NETO2: variants seen among roughly 807,000 people sequenced by gnomAD.
NETO2 encodes neuropilin and tolloid like 2, also known as neuropilin and tolloid-like protein 2.
In NETO2, 28 loss-of-function variants were observed where a neutral mutation model predicts 62.5. That is an observed-to-expected ratio of 0.45 (90% CI 0.33 to 0.61). The LOEUF (loss-of-function observed/expected upper bound fraction) is 0.61, where lower values mean the gene tolerates loss of function less well. Ranked by LOEUF, NETO2 falls within the 20% of genes least tolerant of loss-of-function variation. The pLI is 0.02. For missense variants in NETO2, 548 were observed against 643.2 expected, an observed-to-expected ratio of 0.85 and a Z score of 1.60; for synonymous variants, 214 against 219.1, an observed-to-expected ratio of 0.98 and a Z score of 0.21.
rs1203626599 is a variant in NETO2 at position 47,078,593 on chromosome 16, T to C, written c.*4628A>G. 1 of 152,194 alleles carries C rather than the reference T, an allele frequency of 6.6e-6. No individual in the cohort carries two copies. Among genetic ancestry groups the C allele is most frequent in the Non-Finnish European group, 1.5e-5 (1 of 68,026 alleles). The allele number at this position is 152,194 out of a possible 1,614,324, so 9.4% of individuals were successfully genotyped here. On this transcript the variant is annotated 3_prime_UTR_variant, in exon 9 of 9. Coordinates refer to ENST00000562435, the MANE Select transcript of NETO2 (RefSeq NM_018092.5). ...ATTATTAGCAGAGGTATATAAAACA[T>C]AAGTGATTTTGCAGAAAACTAAAAT...
rs989255418 is a variant in NETO2, at chr16:47,129,342, C to T, written c.114G>A (p.Lys38=). Reference sequence around the variant, plus strand: ...TGCCACACTGGGTTGCAGGAATATGCTTGATTCCAATATTTTGTCCATCTT... The same window carrying T: ...TGCCACACTGGGTTGCAGGAATATGTTTGATTCCAATATTTTGTCCATCTT... ...KTQDGQNIGI[K]HIPATQCGIW... is the part of the protein sequence containing the mutation. Residue 38 remains lysine, a synonymous_variant, in exon 3 of 9, where the codon AAG becomes AAA. Transcript: ENST00000562435. 6.2e-7 allele frequency: 1 copy of T among 1,613,960 alleles called. No individual in the cohort carries two copies.
intron 6 of NETO2, among the ~76,000 whole-genome samples, chr16:47,120,214 C>G (rs1390008457): frequency 6.6e-6 from 1 of 151,984 alleles, no homozygotes; most frequent in Non-Finnish European, 1.5e-5. Flanking sequence ...TACATCAGCT[C>G]TTTTTTGACA....
At chr16:47,136,857 A>G (rs1964369993) in intron 1 of NETO2, among the ~76,000 whole-genome samples, 2 of 152,214 alleles carry the variant, frequency 1.3e-5, no homozygotes, top group South Asian at 4.1e-4. Context: ...GATTGGGAAA[A>G]AAAAGGTGAA....
chr16:47,077,719 G>T lies in NETO2; in HGVS notation c.*5502C>A, dbSNP rs1963005586. 1 of 152,248 alleles carries T rather than the reference G, an allele frequency of 6.6e-6. No homozygotes were observed. Among genetic ancestry groups the T allele is most frequent in the Admixed American group, 6.5e-5 (1 of 15,284 alleles). The allele number at this position is 152,248 out of a possible 1,614,324, so 9.4% of individuals were successfully genotyped here. A position where few individuals can be genotyped will look rare whatever the true frequency, so the allele number is the denominator to read the frequency against. ...ATATTGTGGAGTATGACAAAGGTTG[G>T]AGGGTAAGAGAACTTTTAAATAACA... On this transcript the variant is annotated 3_prime_UTR_variant, in exon 9 of 9. Coordinates refer to ENST00000562435, the MANE Select transcript of NETO2 (RefSeq NM_018092.5).
chr16:47,106,929 G>A (rs1048356336), intron 7 of NETO2, among the ~76,000 whole-genome samples: 1 of 151,966 alleles, frequency 6.6e-6, no homozygotes, highest in Non-Finnish European at 1.5e-5. Context: ...TTATAGGCGC[G>A]TGCTACCATG....
chr16:47,110,249 T>C (rs1411025638), intron 6 of NETO2, among the ~76,000 whole-genome samples: 3 of 152,224 alleles, frequency 2.0e-5, no homozygotes, highest in Admixed American at 6.5e-5. Flanking sequence ...CCTACTGTTC[T>C]ACATGGTTGC....
intron 7 of NETO2, among the ~76,000 whole-genome samples, chr16:47,088,598 G>A (rs1372494690): frequency 6.6e-6 from 1 of 151,918 alleles, no homozygotes; most frequent in African/African-American, 2.4e-5. Flanking sequence ...TCAAGATAGA[G>A]TATCTAAAAT....
intron 7 of NETO2, among the ~76,000 whole-genome samples, chr16:47,103,169 T>G (rs1963593296): frequency 6.6e-6 from 1 of 152,126 alleles, no homozygotes; most frequent in Admixed American, 6.5e-5. Flanking sequence ...AAATCATCAT[T>G]CTCAGCAAAC....
chr16:47,115,718 T>TATATATAC (rs1963902567), intron 6 of NETO2, among the ~76,000 whole-genome samples: 1 of 133,448 alleles, frequency 7.5e-6, no homozygotes, highest in Admixed American at 7.2e-5. Flanking sequence ...TATATACATA[T>TATATATAC]ATATATATAT....
At chr16:47,103,198 C>A (rs371816065) in intron 7 of NETO2, among the ~76,000 whole-genome samples, 2 of 152,222 alleles carry the variant, frequency 1.3e-5, no homozygotes, top group East Asian at 3.9e-4. Flanking sequence ...GAAAAGAAAA[C>A]CAAACACTGC....
rs538906960 is a variant in NETO2, at chr16:47,128,673, C to T, written c.233-100G>A. ...AGCAGAATAACTGTTCTGCTAACTG[C>T]TTCATAGACAAAGGTCTTAGTGAGA... On this transcript the variant is annotated intron_variant, in intron 3 of 8. Transcript: ENST00000562435. The T allele has an allele frequency of 5.7e-4, 734 of 1,297,858 alleles. 2 individuals are homozygous for T. Among genetic ancestry groups the T allele is most frequent in the Middle Eastern group, 7.9e-4 (3 of 3,810 alleles). The allele number at this position is 1,297,858 out of a possible 1,614,324, so 80.4% of individuals were successfully genotyped here.
chr16:47,087,358 T>C (rs1298521898), intron 7 of NETO2, among the ~76,000 whole-genome samples: 2 of 152,124 alleles, frequency 1.3e-5, no homozygotes, highest in African/African-American at 4.8e-5. Context: ...ATGAGAAATA[T>C]TGTATGATTC....
In NETO2 at chr16:47,109,600, A is replaced by T. The variant is rs1030965052; in HGVS notation, c.766T>A (p.Cys256Ser). 6.2e-7 allele frequency: 1 copy of T among 1,614,022 alleles called. No individual in the cohort carries two copies. The highest frequency in any genetic ancestry group is 8.5e-7 in the Non-Finnish European group (1 of 1,179,988). Residue 256 changes from cysteine (C) to serine (S), a missense_variant, in exon 7 of 9, where the codon TGC (cysteine) becomes AGC (serine). Physicochemically the swap from Cys to Ser is moderately radical, Grantham distance 112. Transcript: ENST00000562435. ...ATTACATCATTGGCCACAGTGCTGC[A>T]AAACTTGGCCTTCAGGTTTTCAATA... ...SSIENLKAKFCSTVANDVMLK... is the reference protein window; with the variant it reads ...SSIENLKAKFSSTVANDVMLK...
chr16:47,103,536 T>G (rs1022720729), intron 7 of NETO2, among the ~76,000 whole-genome samples: 8 of 152,158 alleles, frequency 5.3e-5, no homozygotes, highest in Admixed American at 2.6e-4. Flanking sequence ...AGTTACTCAT[T>G]CTATGAGGCC....
chr16:47,106,613 G>A (rs142035483), intron 7 of NETO2, among the ~76,000 whole-genome samples: 81 of 152,130 alleles, frequency 5.3e-4, no homozygotes, highest in African/African-American at 1.8e-3. Context: ...AATGACATAC[G>A]CATAACATTA....
intron 1 of NETO2, among the ~76,000 whole-genome samples, chr16:47,136,607 T>A (rs1964365462): frequency 6.6e-6 from 1 of 152,104 alleles, no homozygotes; most frequent in Non-Finnish European, 1.5e-5. Context: ...GGTTTCACTG[T>A]GTTGGCCAGG....
At chr16:47,120,195 T>C (rs1210991282) in intron 6 of NETO2, among the ~76,000 whole-genome samples, 1 of 152,190 alleles carries the variant, frequency 6.6e-6, no homozygotes, top group Admixed American at 6.5e-5. Flanking sequence ...CTTGATTTGT[T>C]TTAATAGTTA....
rs1963013220 is a variant in NETO2, at chr16:47,078,486, CT to C, written c.*4734del. On this transcript the variant is annotated 3_prime_UTR_variant, in exon 9 of 9. Coordinates refer to ENST00000562435, the MANE Select transcript of NETO2 (RefSeq NM_018092.5). The stretch of plus-strand genomic sequence containing the variant: ...ACTAAACATGCACCCTAGTCATTAG[CT>C]TTTTAGGCTTTGGTAGTCATTAAAC... The C allele has an allele frequency of 6.6e-6, 1 of 152,162 alleles. No homozygotes were observed. Among genetic ancestry groups the C allele is most frequent in the Non-Finnish European group, 1.5e-5 (1 of 68,030 alleles). 9.4% of individuals were successfully genotyped at this position (152,162 alleles called of 1,614,324 possible). A position where few individuals can be genotyped will look rare whatever the true frequency, so the allele number is the denominator to read the frequency against.
intron 7 of NETO2, among the ~76,000 whole-genome samples, chr16:47,097,822 A>G (rs1007875775): frequency 6.6e-6 from 1 of 152,168 alleles, no homozygotes; most frequent in African/African-American, 2.4e-5. Context: ...GCTTCCAGAG[A>G]AAGGAAAAGG....
Sources: gnomAD v4.1 joint callset for allele counts (sites outside exome capture counted in the v4.1 genomes callset) on GRCh38, gnomAD v4.1.1 for gene constraint, MANE v1.5 for transcripts, NCBI Gene and HGNC (gene_info 2026-07-23, HGNC 2026-07-21) for gene names.